FREM1: variants seen among roughly 807,000 people sequenced by gnomAD.
FREM1 encodes FRAS1 related extracellular matrix 1.
In FREM1, 220 loss-of-function variants were observed where a neutral mutation model predicts 210.1. The ratio of observed to expected loss-of-function variants is 1.05; its 90% confidence interval spans 0.94 to 1.17. FREM1 has a LOEUF of 1.17. Among genes scored for constraint, FREM1 ranks in the 50% most tolerant of loss-of-function variants. FREM1 has a pLI of 0.00. For synonymous variants in FREM1, 1,189 were observed against 980.2 expected, an observed-to-expected ratio of 1.21 and a Z score of -3.98; for missense variants, 3,454 against 2,675.5, an observed-to-expected ratio of 1.29 and a Z score of -6.42.
chr9:14,808,645 C>A (rs1226333655), intron 16 of FREM1, among the ~76,000 whole-genome samples: 1 of 152,124 alleles, frequency 6.6e-6, no homozygotes, highest in Non-Finnish European at 1.5e-5. Flanking sequence ...TTTGCCATTT[C>A]TTTCAATATT....
intron 27 of FREM1, among the ~76,000 whole-genome samples, chr9:14,766,454 C>T (rs2132404600): frequency 6.6e-6 from 1 of 152,164 alleles, no homozygotes; most frequent in Non-Finnish European, 1.5e-5. Flanking sequence ...TGAGAGATTC[C>T]CAATCCACAC....
chr9:14,818,102 G>T (rs1820631120), intron 14 of FREM1, among the ~76,000 whole-genome samples: 1 of 152,034 alleles, frequency 6.6e-6, no homozygotes, highest in South Asian at 2.1e-4. Context: ...TATGAGAATG[G>T]ATACCTTGTC....
chr9:14,777,663 A>G (rs995255551), intron 24 of FREM1, among the ~76,000 whole-genome samples: 5 of 152,180 alleles, frequency 3.3e-5, no homozygotes, highest in African/African-American at 1.2e-4. Context: ...TTTTTTAACT[A>G]GAGAAGGTAT....
chr9:14,781,413 T>A (rs1849626630), intron 24 of FREM1, among the ~76,000 whole-genome samples: 1 of 152,202 alleles, frequency 6.6e-6, no homozygotes, highest in Non-Finnish European at 1.5e-5. Flanking sequence ...GAAACCATAT[T>A]TTTGCCATAT....
At position 14,737,205 on chromosome 9, in the gene FREM1, T is replaced by C. The variant is rs1007091356; in HGVS notation, c.*191A>G. The stretch of plus-strand genomic sequence containing the variant: ...AAGGTATTGAGATACAAAAATTGTA[T>C]CTTATCTTGTAAAAAATATTTATTT... On this transcript the variant is annotated 3_prime_UTR_variant, in exon 37 of 37. Transcript: ENST00000380880. The C allele has an allele frequency of 1.9e-6, 1 of 524,932 alleles. No homozygotes were observed. The highest frequency in any genetic ancestry group is 3.3e-6 in the Non-Finnish European group (1 of 299,882). The allele number at this position is 524,932 out of a possible 1,614,324, so 32.5% of individuals were successfully genotyped here. A position where few individuals can be genotyped will look rare whatever the true frequency, so the allele number is the denominator to read the frequency against.
At chr9:14,897,240 CAA>C (rs1405582213) in intron 1 of FREM1, among the ~76,000 whole-genome samples, 1 of 152,154 alleles carries the variant, frequency 6.6e-6, no homozygotes, top group African/African-American at 2.4e-5. Flanking sequence ...TGTATGAACT[CAA>C]GTCTATTATT....
At position 14,836,533 on chromosome 9, in the gene FREM1, G is replaced by A. The variant is rs547348901; in HGVS notation, c.1881+4914C>T. On this transcript the variant is annotated intron_variant, in intron 10 of 36. Coordinates refer to ENST00000380880, the MANE Select transcript of FREM1 (RefSeq NM_001379081.2). This position sits in a 1 kb window ranked among gnomAD's most constrained non-coding sequence, Gnocchi z 4.9. The stretch of plus-strand genomic sequence containing the variant: ...GAAAATGCCGGCTTCAGCCCTGGGC[G>A]GCTACAATCCCTCTTTAATAAATTC... 5.3e-5 allele frequency among the ~76,000 whole-genome samples: 8 copies of A among 152,198 alleles called. No individual in the cohort carries two copies. In the South Asian group the frequency reaches 6.2e-4, roughly 12 times the overall value.
In FREM1 at chr9:14,784,320, TGTAA is replaced by T. The variant is rs759050498; in HGVS notation, c.4442+46_4442+49del. 3 of 1,555,740 alleles carry T rather than the reference TGTAA, an allele frequency of 1.9e-6. No individual in the cohort carries two copies. In the South Asian group the frequency reaches 3.7e-5, roughly 19 times the overall value. ...AAGCACATTAACAGATCTCCTTTTC[TGTAA>T]GTATTAATCCAAAGAAGGGGTTTGA... On this transcript the variant is annotated intron_variant, in intron 24 of 36. Coordinates refer to ENST00000380880, the MANE Select transcript of FREM1 (RefSeq NM_001379081.2).
rs1197451289 is a variant in FREM1, at chr9:14,788,992, G to A, written c.4104C>T (p.Thr1368=). The change falls in exon 23 of 37, where the codon ACC becomes ACT. Residue 1368 remains threonine, a synonymous_variant. Transcript: ENST00000380880. ...AMDSQNQDSF[T]FYLWDGNNRS... ...TGTTGTTGCCATCCCAAAGGTAGAAGGTGAAGCTATCTTGATTCTGGGAAT... is the reference window on the plus strand; with the variant it reads ...TGTTGTTGCCATCCCAAAGGTAGAAAGTGAAGCTATCTTGATTCTGGGAAT... 1 of 1,612,880 alleles carries A rather than the reference G, an allele frequency of 6.2e-7. No individual in the cohort carries two copies. Among genetic ancestry groups the A allele is most frequent in the Non-Finnish European group, 8.5e-7 (1 of 1,179,578 alleles).
At chr9:14,813,151 G>T in intron 15 of FREM1, 87 bp from the exon 16 acceptor site, 1 of 1,358,958 alleles carries the variant, frequency 7.4e-7, no homozygotes, top group Non-Finnish European at 1.0e-6. Flanking sequence ...TAGTCAGAAT[G>T]ACAGGCATTT....
chr9:14,820,009 G>C (rs1821004532), intron 13 of FREM1, among the ~76,000 whole-genome samples: 1 of 152,110 alleles, frequency 6.6e-6, no homozygotes, highest in South Asian at 2.1e-4. Flanking sequence ...TCAAACATTA[G>C]ACTTAAATAT....
intron 15 of FREM1, among the ~76,000 whole-genome samples, chr9:14,815,196 G>C (rs931809319): frequency 6.6e-6 from 1 of 152,146 alleles, no homozygotes; most frequent in Non-Finnish European, 1.5e-5. Flanking sequence ...TAGAAGTGTG[G>C]CAGGGTGAGG....
intron 24 of FREM1, chr9:14,782,499 T>G (rs1494354): frequency 0.2 from 39,998 of 203,874 alleles, 4,217 homozygotes; most frequent in East Asian, 0.31. Flanking sequence ...AAGCAGGAAA[T>G]GAAAGAAGCT....
chr9:14,772,709 T>G (rs1483101794), intron 25 of FREM1, among the ~76,000 whole-genome samples: 1 of 152,196 alleles, frequency 6.6e-6, no homozygotes, highest in Non-Finnish European at 1.5e-5. Flanking sequence ...GATTGGGTAT[T>G]AAATTGTCAT....
intron 28 of FREM1, among the ~76,000 whole-genome samples, chr9:14,757,405 A>G (rs1200500647): frequency 6.6e-6 from 1 of 152,164 alleles, no homozygotes. Context: ...AAACAAAAAA[A>G]TTGGCCAGGC....
intron 1 of FREM1, among the ~76,000 whole-genome samples, chr9:14,872,698 A>G (rs2131937991): frequency 6.7e-6 from 1 of 150,120 alleles, no homozygotes; most frequent in Non-Finnish European, 1.5e-5. Flanking sequence ...AGAACTTCCA[A>G]CACTATGTTG....
At chr9:14,877,251 T>C (rs1833933943) in intron 1 of FREM1, among the ~76,000 whole-genome samples, 4 of 151,966 alleles carry the variant, frequency 2.6e-5, no homozygotes, top group Admixed American at 2.6e-4. Context: ...TAACTCTAGA[T>C]TTGCACATGC....
chr9:14,747,848 TA>T, intron 31 of FREM1, 120 bp from the exon 32 acceptor site: 2 of 547,924 alleles, frequency 3.7e-6, no homozygotes, highest in Non-Finnish European at 6.3e-6. Flanking sequence ...TATGTAATCT[TA>T]AGATTTCCCA....
chr9:14,791,441 G>T (rs1282808965), intron 22 of FREM1, among the ~76,000 whole-genome samples: 1 of 152,168 alleles, frequency 6.6e-6, no homozygotes, highest in East Asian at 1.9e-4. Flanking sequence ...GTGTCATGCA[G>T]TTCATGGGAT....
Sources: gnomAD v4.1 joint callset for allele counts (sites outside exome capture counted in the v4.1 genomes callset) on GRCh38, gnomAD v4.1.1 for gene constraint, Gnocchi (gnomAD v3.1) non-coding constraint, MANE v1.5 for transcripts, NCBI Gene and HGNC (gene_info 2026-07-23, HGNC 2026-07-21) for gene names.